LARGE1: variants seen among roughly 807,000 people sequenced by gnomAD.
LARGE1 encodes the protein LARGE xylosyl- and glucuronyltransferase 1.
Under a neutral mutation model 87.6 loss-of-function variants are expected in LARGE1, and 43 were observed. The observed-to-expected ratio is 0.49, with a 90% CI of 0.38 to 0.63. The LOEUF (loss-of-function observed/expected upper bound fraction) is 0.63, where lower values mean the gene tolerates loss of function less well. Ranked by LOEUF, LARGE1 falls within the 30% of genes least tolerant of loss-of-function variation. LARGE1 has a pLI of 0.00. For missense variants in LARGE1, 802 were observed against 1,000.2 expected (o/e 0.80, Z 2.67); for synonymous variants, 434 against 394.6 (o/e 1.10, Z -1.18).
At chr22:33,205,684 A>G (rs1351765124) in intron 11 of LARGE1, among the ~76,000 whole-genome samples, 3 of 152,206 alleles carry the variant, frequency 2.0e-5, no homozygotes, top group Non-Finnish European at 4.4e-5. Flanking sequence ...AAAATTGGAC[A>G]TTTCATCTCT....
At chr22:33,859,818 C>T (rs905307852) in intron 1 of LARGE1, among the ~76,000 whole-genome samples, 10 of 152,160 alleles carry the variant, frequency 6.6e-5, no homozygotes, top group Non-Finnish European at 1.3e-4. Flanking sequence ...ATCATCGACA[C>T]GCTACACCAT....
chr22:33,815,299 C>T (rs2086617429), intron 1 of LARGE1, among the ~76,000 whole-genome samples: 1 of 152,166 alleles, frequency 6.6e-6, no homozygotes, highest in Admixed American at 6.5e-5. Context: ...AAGCCAGAGA[C>T]CTCACAGTCT....
chr22:33,274,252 C>CT lies in LARGE1; in HGVS notation c.*174dup. Reference sequence around the variant, plus strand: ...TGCAGGGTTGTGGGGCAGAGAGGGACTGGCTGGATCCTTGTCCAAGGTCTC... The same window carrying CT: ...TGCAGGGTTGTGGGGCAGAGAGGGACTTGGCTGGATCCTTGTCCAAGGTCTC... On this transcript the variant is annotated 3_prime_UTR_variant, in exon 15 of 15. Coordinates refer to ENST00000397394, the MANE Select transcript of LARGE1 (RefSeq NM_133642.5). 1.5e-6 allele frequency: 1 copy of CT among 684,456 alleles called. No individual in the cohort carries two copies. The highest frequency in any genetic ancestry group is 2.1e-5 in the Admixed American group (1 of 46,844). 42.4% of individuals were successfully genotyped at this position (684,456 alleles called of 1,614,324 possible).
At chr22:33,754,492 C>T (rs1056562950) in intron 2 of LARGE1, among the ~76,000 whole-genome samples, 11 of 151,826 alleles carry the variant, frequency 7.2e-5, no homozygotes, top group Non-Finnish European at 1.3e-4. Flanking sequence ...CCCACCACCA[C>T]GCCCGGCTAA....
intron 1 of LARGE1, among the ~76,000 whole-genome samples, chr22:33,849,585 TTCTTC>T (rs2063525900): frequency 1.4e-5 from 2 of 142,836 alleles, no homozygotes; most frequent in Non-Finnish European, 3.0e-5. Context: ...CTTTTTTCTT[TTCTTC>T]TCTTTTTTTT....
chr22:33,391,632 G>T (rs1214248334), intron 7 of LARGE1, among the ~76,000 whole-genome samples: 1 of 151,994 alleles, frequency 6.6e-6, no homozygotes, highest in Non-Finnish European at 1.5e-5. Context: ...GACCTCAAAA[G>T]GTAATGACCC....
At chr22:33,429,247 C>T (rs2066995874) in intron 7 of LARGE1, among the ~76,000 whole-genome samples, 1 of 152,150 alleles carries the variant, frequency 6.6e-6, no homozygotes, top group Admixed American at 6.5e-5. Context: ...CGACACATCC[C>T]CTTCGTGAAA....
At chr22:33,661,014 T>A (rs1346071369) in intron 2 of LARGE1, among the ~76,000 whole-genome samples, 2 of 144,548 alleles carry the variant, frequency 1.4e-5, no homozygotes, top group Non-Finnish European at 3.0e-5. Context: ...GAGGTTTGAT[T>A]TTTTTTTTTG....
At chr22:33,236,254 A>C (rs932255230) in intron 11 of LARGE1, among the ~76,000 whole-genome samples, 2 of 152,210 alleles carry the variant, frequency 1.3e-5, no homozygotes, top group Non-Finnish European at 1.5e-5. Context: ...AAACGAATAC[A>C]TGAGTGGAGA....
At chr22:33,374,303 C>T (rs1241460226) in intron 9 of LARGE1, among the ~76,000 whole-genome samples, 4 of 152,158 alleles carry the variant, frequency 2.6e-5, no homozygotes, top group Non-Finnish European at 5.9e-5. Context: ...AGCAATCAAC[C>T]TGCTGAAGTT....
At chr22:33,579,792 G>A (rs1047177221) in intron 5 of LARGE1, among the ~76,000 whole-genome samples, 1 of 152,164 alleles carries the variant, frequency 6.6e-6, no homozygotes, top group Non-Finnish European at 1.5e-5. Context: ...TGATTCTTAG[G>A]TGCAATCAAG....
chr22:33,302,528 G>T (rs12157975), intron 12 of LARGE1, among the ~76,000 whole-genome samples: 1 of 152,156 alleles, frequency 6.6e-6, no homozygotes, highest in Non-Finnish European at 1.5e-5. Context: ...TCCAGACAGC[G>T]CAGGGCACGG....
intron 5 of LARGE1, among the ~76,000 whole-genome samples, chr22:33,570,954 C>T (rs926190587): frequency 6.6e-6 from 1 of 152,060 alleles, no homozygotes; most frequent in African/African-American, 2.4e-5. Flanking sequence ...GCAAATTTTC[C>T]CGAGAGCACC....
intron 6 of LARGE1, among the ~76,000 whole-genome samples, chr22:33,433,273 G>C (rs1309094626): frequency 6.6e-6 from 1 of 152,092 alleles, no homozygotes; most frequent in Non-Finnish European, 1.5e-5. Context: ...AATATTTTAG[G>C]CAGGAATTAT....
At chr22:33,882,029 G>GTTTTTGTTTT (rs1272665586) in intron 1 of LARGE1, among the ~76,000 whole-genome samples, 1 of 137,292 alleles carries the variant, frequency 7.3e-6, no homozygotes, top group Non-Finnish European at 1.5e-5. Flanking sequence ...GGGTTTTTTT[G>GTTTTTGTTTT]TTTTTGTTTT....
intron 6 of LARGE1, among the ~76,000 whole-genome samples, chr22:33,457,287 C>T (rs558534928): frequency 6.3e-5 from 9 of 143,326 alleles, no homozygotes; most frequent in Admixed American, 3.5e-4. Flanking sequence ...GCCACCACGC[C>T]TGGCTCTTTT....
chr22:33,900,465 C>T (rs899332140), intron 1 of LARGE1, among the ~76,000 whole-genome samples: 1 of 152,272 alleles, frequency 6.6e-6, no homozygotes, highest in Admixed American at 6.5e-5. Context: ...AACGGGCATC[C>T]GGCCATCACT....
At chr22:33,127,369 T>A in the LARGE1 span, among the ~76,000 whole-genome samples, 1 of 152,130 alleles carries the variant, frequency 6.6e-6, no homozygotes, top group African/African-American at 2.4e-5. Flanking sequence ...TAACTCAATC[T>A]CTAGTGAATT....
In LARGE1 at chr22:33,200,005, C is replaced by T. The variant is rs138361770; in HGVS notation, c.1731-33173G>A. Among the ~76,000 whole-genome samples, 957 of 152,034 alleles carry T rather than the reference C, an allele frequency of 6.3e-3. 5 individuals carry two copies. Among genetic ancestry groups the T allele is most frequent in the Admixed American group, 0.011 (164 of 15,280 alleles). On this transcript the variant is annotated intron_variant, in intron 11 of 11. Transcript: ENST00000608642. ...CTGGGATTACAGGCACCTGCCACCACACCTGGCTAATTTTTGTATTTTTAG... is the reference window on the plus strand; with the variant it reads ...CTGGGATTACAGGCACCTGCCACCATACCTGGCTAATTTTTGTATTTTTAG...
Sources: allele counts gnomAD v4.1 joint callset (sites outside exome capture counted in the v4.1 genomes callset), GRCh38; gene constraint gnomAD v4.1.1; transcripts MANE v1.5; gene names NCBI Gene and HGNC (gene_info 2026-07-23, HGNC 2026-07-21).